TTLL5: variants seen among roughly 807,000 people sequenced by gnomAD.
TTLL5 encodes the protein tubulin polyglutamylase TTLL5.
In TTLL5, 132 loss-of-function variants were observed where a neutral mutation model predicts 168.4. The ratio of observed to expected loss-of-function variants is 0.78; its 90% CI spans 0.68 to 0.91. The LOEUF (loss-of-function observed/expected upper bound fraction) is 0.91. Among genes scored for constraint, TTLL5 ranks in the 40% least tolerant of loss-of-function variants. TTLL5 has a pLI of 0.00. For synonymous variants in TTLL5, 546 were observed against 558.6 expected (o/e 0.98, Z 0.32); for missense variants, 1,545 against 1,581.5 (o/e 0.98, Z 0.39).
At chr14:75,814,053 C>T (rs180700844) in intron 27 of TTLL5, among the ~76,000 whole-genome samples, 1 of 152,286 alleles carries the variant, frequency 6.6e-6, no homozygotes, top group African/African-American at 2.4e-5. Context: ...CCAAACTGCT[C>T]TAAAATTTGA....
At chr14:75,771,246 G>A (rs1891291018) in intron 20 of TTLL5, among the ~76,000 whole-genome samples, 1 of 152,108 alleles carries the variant, frequency 6.6e-6, no homozygotes, top group African/African-American at 2.4e-5. Context: ...GGCCAACATG[G>A]TGAAACCCCG....
chr14:75,775,776 G>A (rs1008836363), intron 22 of TTLL5, 146 bp downstream of exon 22: 3 of 1,058,592 alleles, frequency 2.8e-6, no homozygotes, highest in South Asian at 4.0e-5. Flanking sequence ...GTTAGGGGAA[G>A]CAGGACCCCA....
intron 28 of TTLL5, among the ~76,000 whole-genome samples, chr14:75,853,924 A>T (rs754170603): frequency 6.6e-6 from 1 of 152,036 alleles, no homozygotes; most frequent in South Asian, 2.1e-4. Flanking sequence ...CACACTTGCA[A>T]TCCCATCTGC....
intron 4 of TTLL5, among the ~76,000 whole-genome samples, chr14:75,682,091 G>A (rs748574728): frequency 7.5e-4 from 113 of 151,452 alleles, no homozygotes; most frequent in Non-Finnish European, 8.1e-4. Flanking sequence ...TCAGGAGCCC[G>A]AGGCAGGAGA....
At chr14:75,866,555 A>C (rs962170003) in intron 29 of TTLL5, among the ~76,000 whole-genome samples, 1 of 152,350 alleles carries the variant, frequency 6.6e-6, no homozygotes, top group South Asian at 2.1e-4. Flanking sequence ...TATGAACAGC[A>C]TCTTTCACAT....
rs1363830038 is a variant in TTLL5, at chr14:75,875,776, A to G, written c.3523-6909A>G. 2.6e-5 allele frequency among the ~76,000 whole-genome samples: 4 copies of G among 152,218 alleles called. No homozygotes were observed. In the East Asian group the frequency reaches 7.7e-4, roughly 29 times the overall value. ...AACAGGCTCCAAAACATCAGGTGTC[A>G]TGTGATTCCGTGTTTTGTCAGCACA... On this transcript the variant is annotated intron_variant, in intron 29 of 31. Coordinates refer to ENST00000298832, the MANE Select transcript of TTLL5 (RefSeq NM_015072.5).
rs147573529 is a variant in TTLL5, at chr14:75,920,450, C to T, written c.3823+18226C>T. On this transcript the variant is annotated intron_variant, in intron 31 of 31. Transcript: ENST00000298832. The stretch of plus-strand genomic sequence containing the variant: ...GTGATGTTCCCCTCGACCCCTGTGT[C>T]CAAGTGTTCTCATTGTTCAGTTCCC... Among the ~76,000 whole-genome samples the T allele has an allele frequency of 8.0e-4, 122 of 152,180 alleles. 1 individual carries two copies. The highest frequency in any genetic ancestry group is 2.8e-3 in the African/African-American group (118 of 41,514).
chr14:75,897,818 C>T (rs2140074715), intron 30 of TTLL5, among the ~76,000 whole-genome samples: 1 of 152,270 alleles, frequency 6.6e-6, no homozygotes, highest in Admixed American at 6.5e-5. Context: ...CAGAGAAGAA[C>T]CTAAATAAGA....
At chr14:75,848,362 A>G (rs1242681962) in intron 28 of TTLL5, among the ~76,000 whole-genome samples, 1 of 152,106 alleles carries the variant, frequency 6.6e-6, no homozygotes, top group African/African-American at 2.4e-5. Context: ...GACAATCTGC[A>G]CATTAACTTC....
intron 31 of TTLL5, among the ~76,000 whole-genome samples, chr14:75,941,020 G>A (rs1314256373): frequency 6.6e-6 from 1 of 152,176 alleles, no homozygotes; most frequent in African/African-American, 2.4e-5. Context: ...CCCATAGATG[G>A]ACACTTGAGC....
At chr14:75,936,708 A>G (rs1191177437) in intron 31 of TTLL5, among the ~76,000 whole-genome samples, 2 of 152,182 alleles carry the variant, frequency 1.3e-5, no homozygotes, top group Non-Finnish European at 2.9e-5. Flanking sequence ...GCTGTGGCCA[A>G]GGGGATTCAG....
At chr14:75,863,462 AG>A (rs2030203257) in intron 28 of TTLL5, among the ~76,000 whole-genome samples, 1 of 152,192 alleles carries the variant, frequency 6.6e-6, no homozygotes. Context: ...TGCTAGGAAA[AG>A]AAGAGAGTGC....
At chr14:75,875,511 C>T (rs919602002) in intron 29 of TTLL5, among the ~76,000 whole-genome samples, 1 of 150,010 alleles carries the variant, frequency 6.7e-6, no homozygotes, top group African/African-American at 2.5e-5. Context: ...CACTGCACTC[C>T]AGCCTGGCAA....
chr14:75,754,991 G>A (rs758419084), intron 18 of TTLL5, among the ~76,000 whole-genome samples: 3 of 152,028 alleles, frequency 2.0e-5, no homozygotes, highest in Non-Finnish European at 2.9e-5. Context: ...TTGGCCAGGC[G>A]CGGTGGCTCA....
intron 31 of TTLL5, among the ~76,000 whole-genome samples, chr14:75,922,435 G>A (rs1165903942): frequency 6.6e-6 from 1 of 152,170 alleles, no homozygotes; most frequent in African/African-American, 2.4e-5. Context: ...AGTGTTTTTA[G>A]CATGAAGGGC....
At chr14:75,931,884 A>G (rs768993233) in intron 31 of TTLL5, among the ~76,000 whole-genome samples, 1 of 152,180 alleles carries the variant, frequency 6.6e-6, no homozygotes, top group Non-Finnish European at 1.5e-5. Flanking sequence ...AATTTGCTAC[A>G]ATGTTTTATT....
chr14:75,905,349 C>T (rs533032041), intron 31 of TTLL5, among the ~76,000 whole-genome samples: 1 of 152,348 alleles, frequency 6.6e-6, no homozygotes, highest in Non-Finnish European at 1.5e-5. Flanking sequence ...GGCTGTGTGA[C>T]TGTTCTCTCG....
chr14:75,869,821 A>ATCTTTTTTTTTT (rs2030863321), intron 29 of TTLL5, among the ~76,000 whole-genome samples: 1 of 82,416 alleles, frequency 1.2e-5, no homozygotes, highest in Non-Finnish European at 2.1e-5. Flanking sequence ...TTCAACAAGT[A>ATCTTTTTTTTTT]TTTTTTTTTT....
At chr14:75,895,090 A>G (rs1470663015) in intron 30 of TTLL5, among the ~76,000 whole-genome samples, 1 of 152,244 alleles carries the variant, frequency 6.6e-6, no homozygotes, top group Non-Finnish European at 1.5e-5. Context: ...TTGGACCAGC[A>G]CTTAAAATAG....
Sources: allele counts gnomAD v4.1 joint callset (sites outside exome capture counted in the v4.1 genomes callset), GRCh38; gene constraint gnomAD v4.1.1; transcripts MANE v1.5; gene names NCBI Gene and HGNC (gene_info 2026-07-23, HGNC 2026-07-21).